ATAD2: variants seen among roughly 807,000 people sequenced by gnomAD.
The protein encoded by ATAD2 is ATPase family AAA domain containing 2, also known as ATPase family AAA domain-containing protein 2.
A neutral mutation model predicts 168.9 loss-of-function variants in ATAD2; 62 were observed. The ratio of observed to expected loss-of-function variants is 0.37; its 90% CI spans 0.30 to 0.45. The LOEUF (loss-of-function observed/expected upper bound fraction) is 0.45, where lower values mean the gene tolerates loss of function less well. ATAD2 is among the 20% of genes least tolerant of loss of function. The probability of loss-of-function intolerance (pLI) is 1.00; values close to 1 mark genes in which losing one functional copy is unlikely to be tolerated. For missense variants in ATAD2, 1,419 were observed against 1,667.8 expected (o/e 0.85, Z 2.60); for synonymous variants, 613 against 571.6 (o/e 1.07, Z -1.03).
At chr8:123,384,668 A>G (rs967622833) in intron 1 of ATAD2, among the ~76,000 whole-genome samples, 4 of 152,268 alleles carry the variant, frequency 2.6e-5, no homozygotes, top group Non-Finnish European at 5.9e-5. Flanking sequence ...AGCAATAACT[A>G]TGATACATCC....
chr8:123,370,667 T>G (rs1829124312), intron 6 of ATAD2, among the ~76,000 whole-genome samples: 1 of 152,116 alleles, frequency 6.6e-6, no homozygotes, highest in Admixed American at 6.5e-5. Flanking sequence ...CCATAGTGGA[T>G]GTATTACATA....
In ATAD2 at chr8:123,402,731, A is replaced by C. The variant is rs995498504; in HGVS notation, c.-2281-1556T>G. On this transcript the variant is annotated intron_variant, in intron 1 of 28. Transcript: ENST00000521903. The surrounding 1 kb of genome is among the most constrained non-coding windows in gnomAD (Gnocchi z 4.8). Reference sequence around the variant, plus strand: ...CCTGCCCTCTCCTCAGCTGTAGTTGAAGGCTTTAACTTTGCACACTTTGGG... The same window carrying C: ...CCTGCCCTCTCCTCAGCTGTAGTTGCAGGCTTTAACTTTGCACACTTTGGG... 2.6e-5 allele frequency among the ~76,000 whole-genome samples: 4 copies of C among 152,114 alleles called. No individual in the cohort carries two copies. The highest frequency in any genetic ancestry group is 9.7e-5 in the African/African-American group (4 of 41,414).
intron 8 of ATAD2, among the ~76,000 whole-genome samples, chr8:123,367,495 C>T (rs767817174): frequency 1.8e-4 from 28 of 152,132 alleles, no homozygotes; most frequent in Non-Finnish European, 3.4e-4. Flanking sequence ...AAACAGAGAT[C>T]CACCCCTTGA....
intron 24 of ATAD2, among the ~76,000 whole-genome samples, chr8:123,330,744 C>G (rs1313031838): frequency 6.6e-6 from 1 of 152,170 alleles, no homozygotes; most frequent in Non-Finnish European, 1.5e-5. Context: ...TCTGCTTTGT[C>G]ATATAATGAC....
intron 1 of ATAD2, among the ~76,000 whole-genome samples, chr8:123,389,980 ATATATT>A (rs1396500276): frequency 4.0e-4 from 44 of 110,780 alleles, no homozygotes; most frequent in African/African-American, 1.1e-3. Flanking sequence ...ATATATATAT[ATATATT>A]TTTTTTTTTT....
intron 26 of ATAD2, among the ~76,000 whole-genome samples, chr8:123,325,012 C>A (rs922231533): frequency 6.6e-6 from 1 of 150,824 alleles, no homozygotes; most frequent in Admixed American, 6.6e-5. Flanking sequence ...GAGTTCGAGA[C>A]CAGACTGGGC....
rs1829472032 is a variant in ATAD2, at chr8:123,380,754, C to T, written c.172-77G>A. 14 of 1,482,824 alleles carry T rather than the reference C, an allele frequency of 9.4e-6. 1 individual carries two copies. The South Asian group carries it at 1.8e-4, about 19-fold the overall frequency. 91.9% of individuals were successfully genotyped at this position (1,482,824 alleles called of 1,614,324 possible). On this transcript the variant is annotated intron_variant, in intron 1 of 27. Coordinates refer to ENST00000287394, the MANE Select transcript of ATAD2 (RefSeq NM_014109.4). ...TTTAAATTCCTCCAAAGAGTATTCT[C>T]TGATTACAAGTTAGTAAAAACTGCT...
intron 2 of ATAD2, among the ~76,000 whole-genome samples, chr8:123,376,669 A>T (rs1312746576): frequency 6.6e-6 from 1 of 152,170 alleles, no homozygotes; most frequent in Non-Finnish European, 1.5e-5. Flanking sequence ...GAAATAATTA[A>T]TATGGCCAGG....
At chr8:123,393,026 T>C (rs1812658977) in intron 1 of ATAD2, among the ~76,000 whole-genome samples, 1 of 151,818 alleles carries the variant, frequency 6.6e-6, no homozygotes, top group Middle Eastern at 3.4e-3. Flanking sequence ...CTACTGAAAA[T>C]ACAAAAAATT....
At chr8:123,329,810 T>C (rs929517383) in intron 24 of ATAD2, among the ~76,000 whole-genome samples, 3 of 150,930 alleles carry the variant, frequency 2.0e-5, no homozygotes, top group Non-Finnish European at 2.9e-5. Flanking sequence ...TTGCTACCAT[T>C]ATCATCATCA....
intron 8 of ATAD2, among the ~76,000 whole-genome samples, chr8:123,362,414 CTT>C (rs561886419): frequency 3.5e-5 from 5 of 143,696 alleles, no homozygotes; most frequent in South Asian, 2.2e-4. Flanking sequence ...AATCAAATAA[CTT>C]TTTTTTTTTT....
chr8:123,392,821 T>A (rs774360839), intron 1 of ATAD2, among the ~76,000 whole-genome samples: 3 of 152,130 alleles, frequency 2.0e-5, no homozygotes, highest in African/African-American at 4.8e-5. Flanking sequence ...CTTCCAAACT[T>A]ACAGACTTTT....
chr8:123,347,199 G>A lies in ATAD2; in HGVS notation c.2105C>T (p.Ser702Phe), dbSNP rs778899109. The change falls in exon 16 of 28, where the codon TCC becomes TTC. Residue 702 changes from serine (S) to phenylalanine (F), a missense_variant. Coordinates refer to ENST00000287394, the MANE Select transcript of ATAD2 (RefSeq NM_014109.4). ...TTGCAGGAGTGGTTTCACAACGGTG[G>A]ACAGTGCCTGCCCAGGTGATGTCAC... ...RAVTSPGQAL[S>F]TVVKPLLQNT... 4 of 1,614,014 alleles carry A rather than the reference G, an allele frequency of 2.5e-6. No homozygotes were observed. The highest frequency in any genetic ancestry group is 1.7e-5 in the Admixed American group (1 of 59,998).
chr8:123,337,907 G>T, intron 20 of ATAD2, 86 bp from the exon 21 acceptor site: 1 of 1,294,834 alleles, frequency 7.7e-7, no homozygotes, highest in Non-Finnish European at 1.0e-6. Context: ...GTCAGGATTT[G>T]AGGGATTATC....
chr8:123,356,652 A>T (rs1162721647), intron 12 of ATAD2, among the ~76,000 whole-genome samples, 175 bp from the exon 13 acceptor site: 5 of 143,464 alleles, frequency 3.5e-5, no homozygotes, highest in African/African-American at 1.3e-4. Context: ...TTTATATATA[A>T]TTTTTTTTTT....
At chr8:123,339,929 G>A (rs556175868) in intron 19 of ATAD2, among the ~76,000 whole-genome samples, 1 of 151,508 alleles carries the variant, frequency 6.6e-6, no homozygotes, top group Non-Finnish European at 1.5e-5. Context: ...GTCTCGCTCT[G>A]TCACTCAGGC....
chr8:123,336,692 T>G (rs1827923066), intron 21 of ATAD2, among the ~76,000 whole-genome samples, 160 bp from the exon 22 acceptor site: 1 of 152,198 alleles, frequency 6.6e-6, no homozygotes, highest in Admixed American at 6.5e-5. Flanking sequence ...AGGCTGTTTT[T>G]GTTTTGTATT....
intron 13 of ATAD2, among the ~76,000 whole-genome samples, chr8:123,352,942 G>A (rs569343148): frequency 2.4e-3 from 366 of 152,182 alleles, no homozygotes; most frequent in Non-Finnish European, 3.0e-3. Flanking sequence ...GAGTGTGGTA[G>A]TGTGTGCCTG....
intron 1 of ATAD2, among the ~76,000 whole-genome samples, chr8:123,388,886 C>A (rs984656100): frequency 5.9e-5 from 9 of 151,728 alleles, no homozygotes; most frequent in African/African-American, 2.2e-4. Context: ...ACTCTTAGTT[C>A]CATGATTCAA....
Sources: gnomAD v4.1 joint callset for allele counts (sites outside exome capture counted in the v4.1 genomes callset) on GRCh38, gnomAD v4.1.1 for gene constraint, Gnocchi (gnomAD v3.1) non-coding constraint, MANE v1.5 for transcripts, NCBI Gene and HGNC (gene_info 2026-07-23, HGNC 2026-07-21) for gene names.